The following EYS variants were observed in gnomAD, a reference collection of about 807,000 sequenced individuals.
The protein encoded by EYS is protein eyes shut homolog.
EYS carries 250 observed loss-of-function variants against 282.1 expected under a neutral mutation model. The ratio of observed to expected loss-of-function variants is 0.89; its 90% CI spans 0.80 to 0.98. EYS has a LOEUF of 0.98. EYS is among the 50% of genes least tolerant of loss of function. The probability of loss-of-function intolerance (pLI) is 0.00; values close to 1 mark genes in which losing one functional copy is unlikely to be tolerated. For missense variants in EYS, 4,016 were observed against 3,709.0 expected (o/e 1.08, Z -2.15); for synonymous variants, 1,355 against 1,282.9 (o/e 1.06, Z -1.20).
rs75966876 is a variant in EYS, at chr6:65,098,002, G to T, written c.2024-40275C>A. 3.7e-3 allele frequency among the ~76,000 whole-genome samples: 550 copies of T among 150,488 alleles called. 7 individuals carry two copies. Among genetic ancestry groups the T allele is most frequent in the African/African-American group, 0.013 (526 of 41,292 alleles). On this transcript the variant is annotated intron_variant, in intron 12 of 42. Coordinates refer to ENST00000503581, the MANE Select transcript of EYS (RefSeq NM_001142800.2). ...GTGTGATGTTAACTAACACAAGCAC[G>T]TATTTTTGCTTTTGTTTTTAATTTC...
chr6:64,659,450 G>A (rs1449265436), intron 22 of EYS, among the ~76,000 whole-genome samples: 1 of 151,876 alleles, frequency 6.6e-6, no homozygotes, highest in Non-Finnish European at 1.5e-5. Context: ...TCCAGGAGCT[G>A]GTTTTTTGAA....
intron 11 of EYS, chr6:65,331,228 G>A: frequency 2.9e-6 from 2 of 693,962 alleles, no homozygotes; most frequent in Non-Finnish European, 3.5e-6. Context: ...GAATTAATTT[G>A]GGAAGAATTA....
chr6:64,976,451 A>G (rs1770477357), intron 14 of EYS, among the ~76,000 whole-genome samples: 1 of 151,906 alleles, frequency 6.6e-6, no homozygotes, highest in Non-Finnish European at 1.5e-5. Flanking sequence ...GAAGTTCAAA[A>G]TCAAGTTTGC....
At chr6:64,831,739 A>C (rs749540133) in intron 19 of EYS, among the ~76,000 whole-genome samples, 8 of 152,024 alleles carry the variant, frequency 5.3e-5, no homozygotes, top group Non-Finnish European at 7.4e-5. Context: ...TTGTTAGAGG[A>C]CTTCACAGTT....
At chr6:64,580,872 A>T (rs1283466882) in intron 26 of EYS, among the ~76,000 whole-genome samples, 4 of 152,114 alleles carry the variant, frequency 2.6e-5, no homozygotes, top group African/African-American at 9.7e-5. Context: ...AATATAATTC[A>T]TAGTATTTTT....
At chr6:65,133,059 A>G (rs1775926167) in intron 12 of EYS, among the ~76,000 whole-genome samples, 1 of 152,064 alleles carries the variant, frequency 6.6e-6, no homozygotes, top group African/African-American at 2.4e-5. Flanking sequence ...TAAAGAAATC[A>G]GAGATGAAAC....
chr6:65,371,708 CCTCTCTCTCTCTCT>C (rs140879689), intron 8 of EYS, among the ~76,000 whole-genome samples: 1,343 of 119,030 alleles, frequency 0.011, 14 homozygotes, highest in South Asian at 0.027. Context: ...TCTCTCTCTC[CCTCTCTCTCTCTCT>C]CTCTCTCTCT....
intron 42 of EYS, among the ~76,000 whole-genome samples, chr6:63,724,628 C>A (rs796080073): frequency 6.6e-6 from 1 of 151,444 alleles, no homozygotes; most frequent in Non-Finnish European, 1.5e-5. Flanking sequence ...GAAAAGGGAC[C>A]AGAGTCTTAT....
intron 31 of EYS, among the ~76,000 whole-genome samples, chr6:64,202,825 A>G (rs934604141): frequency 2.0e-5 from 3 of 152,200 alleles, no homozygotes; most frequent in African/African-American, 7.2e-5. Flanking sequence ...AGAGTTATTT[A>G]GCCCAAAGTC....
At chr6:65,088,409 T>G (rs1199395431) in intron 12 of EYS, among the ~76,000 whole-genome samples, 1 of 152,156 alleles carries the variant, frequency 6.6e-6, no homozygotes, top group Non-Finnish European at 1.5e-5. Flanking sequence ...GTAAGTGGTC[T>G]CAGATGGAGA....
intron 19 of EYS, among the ~76,000 whole-genome samples, chr6:64,853,685 T>G (rs1393478473): frequency 6.6e-6 from 1 of 152,120 alleles, no homozygotes; most frequent in Non-Finnish European, 1.5e-5. Context: ...ATTCAGGACA[T>G]AGGCATGGGC....
intron 37 of EYS, among the ~76,000 whole-genome samples, chr6:63,795,824 T>C (rs1945438385): frequency 6.6e-6 from 1 of 152,110 alleles, no homozygotes; most frequent in African/African-American, 2.4e-5. Context: ...GGAGAAACTG[T>C]GCAAGTCAGC....
intron 1 of EYS, among the ~76,000 whole-genome samples, chr6:65,689,639 T>C (rs1311644055): frequency 6.6e-6 from 1 of 150,398 alleles, no homozygotes; most frequent in Non-Finnish European, 1.5e-5. Context: ...ATAACATAAG[T>C]ATTTTACTGC....
chr6:64,168,356 C>CAA (rs1196514231), intron 31 of EYS, among the ~76,000 whole-genome samples: 2 of 152,176 alleles, frequency 1.3e-5, no homozygotes, highest in African/African-American at 2.4e-5. Flanking sequence ...ATTGAATGCA[C>CAA]AATGGTGCAG....
At chr6:64,951,289 G>T (rs914593438) in intron 14 of EYS, among the ~76,000 whole-genome samples, 4 of 151,740 alleles carry the variant, frequency 2.6e-5, no homozygotes, top group Non-Finnish European at 5.9e-5. Context: ...CAACAGAGGG[G>T]CATATCTTGA....
At chr6:65,036,528 C>G (rs957833291) in intron 13 of EYS, among the ~76,000 whole-genome samples, 1 of 151,354 alleles carries the variant, frequency 6.6e-6, no homozygotes, top group African/African-American at 2.4e-5. Flanking sequence ...AACAGATACC[C>G]TAAAAAACGG....
chr6:64,277,695 A>C (rs1371620877), intron 30 of EYS, among the ~76,000 whole-genome samples: 1 of 152,160 alleles, frequency 6.6e-6, no homozygotes, highest in East Asian at 1.9e-4. Flanking sequence ...GAAGTATCAA[A>C]TATATCTCAA....
chr6:65,075,790 A>G (rs989225351), intron 12 of EYS, among the ~76,000 whole-genome samples: 11 of 152,010 alleles, frequency 7.2e-5, no homozygotes, highest in African/African-American at 2.7e-4. Context: ...TAACATGTCA[A>G]TTCTAACCTC....
intron 12 of EYS, among the ~76,000 whole-genome samples, chr6:65,151,300 G>T (rs7775478): frequency 0.26 from 38,992 of 151,750 alleles, 5,341 homozygotes; most frequent in African/African-American, 0.35. Flanking sequence ...TATTAGAGAG[G>T]GCTTTTAGGG....
Sources: allele counts gnomAD v4.1 joint callset (sites outside exome capture counted in the v4.1 genomes callset), GRCh38; gene constraint gnomAD v4.1.1; transcripts MANE v1.5; gene names NCBI Gene and HGNC (gene_info 2026-07-23, HGNC 2026-07-21).